PCDH11X: variants seen among roughly 807,000 people sequenced by gnomAD.
The protein encoded by PCDH11X is protocadherin-11 X-linked.
PCDH11X carries 18 observed loss-of-function variants against 53.3 expected under a neutral mutation model. That is an observed-to-expected ratio of 0.34 (90% CI 0.23 to 0.50). PCDH11X has a LOEUF of 0.50. PCDH11X is among the 20% of genes least tolerant of loss of function. The pLI is 0.98. For synonymous variants in PCDH11X, 279 were observed against 393.3 expected (o/e 0.71, Z 3.44); for missense variants, 570 against 1,032.4 (o/e 0.55, Z 6.14).
intron 10 of PCDH11X, among the ~76,000 whole-genome samples, chrX:92,542,772 A>G (rs2074779316): frequency 9.0e-6 from 1 of 111,473 alleles, no homozygotes; most frequent in Admixed American, 9.5e-5. Context: ...GTACTCTGAA[A>G]AATCTAAAGC....
intron 10 of PCDH11X, among the ~76,000 whole-genome samples, chrX:92,577,038 G>T (rs4893181): frequency 0.29 from 30,758 of 105,119 alleles, 4,327 homozygotes; most frequent in African/African-American, 0.39. Flanking sequence ...TTTTGTTTTC[G>T]TTGGATGATG....
intron 10 of PCDH11X, among the ~76,000 whole-genome samples, chrX:92,580,760 C>T (rs1329526035): frequency 8.9e-6 from 1 of 111,779 alleles, no homozygotes; most frequent in East Asian, 2.8e-4. Context: ...AGCCTGGGCT[C>T]ATGAAGGGAT....
chrX:92,411,922 AGT>A (rs2071663836), intron 9 of PCDH11X, among the ~76,000 whole-genome samples: 2 of 44,767 alleles, frequency 4.5e-5, no homozygotes, highest in Non-Finnish European at 7.0e-5. Context: ...GAGGAGGAGG[AGT>A]GGGAGGAGGA....
intron 6 of PCDH11X, among the ~76,000 whole-genome samples, chrX:91,990,296 A>G (rs1365224115): frequency 4.7e-5 from 5 of 105,440 alleles, no homozygotes; most frequent in Non-Finnish European, 9.7e-5. Context: ...ACTCTTATTT[A>G]TATCTTTTGT....
Position 92,085,703 on chromosome X carries a change from AT to A in PCDH11X, c.3034-115663del, listed in dbSNP as rs1391431404. On this transcript the variant is annotated intron_variant, in intron 6 of 10. Coordinates refer to ENST00000682573, the MANE Select transcript of PCDH11X (RefSeq NM_032968.5). ...AAAAATGTTAAGTTATGGTCAGAAC[AT>A]TTTTTTTTCTTCCCAAATAACACCT... Among the ~76,000 whole-genome samples, 9 of 110,235 alleles carry A rather than the reference AT, an allele frequency of 8.2e-5. No individual in the cohort carries two copies. The East Asian group carries it at 8.6e-4, about 10-fold the overall frequency.
chrX:92,085,900 T>C (rs910242521), intron 6 of PCDH11X, among the ~76,000 whole-genome samples: 1 of 111,579 alleles, frequency 9.0e-6, no homozygotes, highest in Non-Finnish European at 1.9e-5. Flanking sequence ...ACATGACTAG[T>C]CTGAATTAAG....
intron 6 of PCDH11X, among the ~76,000 whole-genome samples, chrX:92,019,765 C>T (rs2062854315): frequency 8.9e-6 from 1 of 112,137 alleles, no homozygotes; most frequent in African/African-American, 3.2e-5. Context: ...AAAAAGATCT[C>T]AGTGGGGCAG....
intron 5 of PCDH11X, 119 bp downstream of exon 5, chrX:91,836,163 G>A (rs1205873808): frequency 2.3e-5 from 20 of 888,602 alleles, no homozygotes; most frequent in Non-Finnish European, 3.1e-5. Context: ...CAAAATTTAT[G>A]TAATTTAAAG....
At chrX:91,824,995 G>T (rs1367021574) in intron 4 of PCDH11X, among the ~76,000 whole-genome samples, 1 of 110,494 alleles carries the variant, frequency 9.1e-6, no homozygotes, top group Non-Finnish European at 1.9e-5. Flanking sequence ...TCGGGGGTCA[G>T]GGGTCAGGGA....
intron 6 of PCDH11X, among the ~76,000 whole-genome samples, chrX:92,173,984 C>CAAAA (rs145379428): frequency 3.4e-5 from 1 of 29,561 alleles, no homozygotes; most frequent in African/African-American, 1.4e-4. Flanking sequence ...GACCCAGTCT[C>CAAAA]AAAAAAAAAA....
At chrX:92,012,917 C>A (rs2062717414) in intron 6 of PCDH11X, among the ~76,000 whole-genome samples, 1 of 111,531 alleles carries the variant, frequency 9.0e-6, no homozygotes, top group African/African-American at 3.3e-5. Context: ...GTGCGTCAGC[C>A]AATATCATAC....
At chrX:91,869,528 A>G (rs376386783) in intron 5 of PCDH11X, among the ~76,000 whole-genome samples, 1 of 111,442 alleles carries the variant, frequency 9.0e-6, no homozygotes, top group African/African-American at 3.3e-5. Flanking sequence ...TTCTAGTACT[A>G]GTATTCAGTG....
chrX:92,229,978 C>A (rs2067037797), intron 7 of PCDH11X, among the ~76,000 whole-genome samples: 1 of 110,435 alleles, frequency 9.1e-6, no homozygotes, highest in Non-Finnish European at 1.9e-5. Context: ...TTATAAAATG[C>A]ATTAAAATAA....
intron 8 of PCDH11X, among the ~76,000 whole-genome samples, chrX:92,280,431 C>T (rs1003945964): frequency 9.2e-6 from 1 of 109,251 alleles, no homozygotes; most frequent in African/African-American, 3.3e-5. Flanking sequence ...ATCTGTAATC[C>T]CAGCTACTCA....
intron 10 of PCDH11X, among the ~76,000 whole-genome samples, chrX:92,541,921 C>A (rs971852330): frequency 9.1e-6 from 1 of 109,904 alleles, no homozygotes; most frequent in Admixed American, 9.7e-5. Context: ...TGCACTCCAG[C>A]CTGGGTGACA....
rs1556443993 is a variant in PCDH11X at position 92,484,108 on chromosome X, G to GTGTA, written c.3367+15787_3367+15788insGTAT. Among the ~76,000 whole-genome samples, 4 of 96,738 alleles carry GTGTA rather than the reference G, an allele frequency of 4.1e-5. No homozygotes were observed. In the South Asian group the frequency reaches 1.5e-3, roughly 35 times the overall value. 84.0% of individuals were successfully genotyped at this position (96,738 alleles called of 115,157 possible). A position where few individuals can be genotyped will look rare whatever the true frequency, so the allele number is the denominator to read the frequency against. Reference sequence around the variant, plus strand: ...TCTCTGTGTGTGTGTGTGTGTGTGTGTATATATATAGTATATATATGTATA... The same window carrying GTGTA: ...TCTCTGTGTGTGTGTGTGTGTGTGTGTGTATATATATATAGTATATATATGTATA... On this transcript the variant is annotated intron_variant, in intron 10 of 10. Coordinates refer to ENST00000682573, the MANE Select transcript of PCDH11X (RefSeq NM_032968.5).
At chrX:92,452,131 G>C in intron 9 of PCDH11X, among the ~76,000 whole-genome samples, 1 of 107,469 alleles carries the variant, frequency 9.3e-6, no homozygotes. Context: ...CAGACTAAAT[G>C]CCTTCTGAGA....
chrX:92,113,847 G>T, intron 6 of PCDH11X: 1 of 1,204,957 alleles, frequency 8.3e-7, no homozygotes, highest in Non-Finnish European at 1.1e-6. Flanking sequence ...CCTGGGTGTT[G>T]CTGTTGAGCT....
intron 1 of PCDH11X, among the ~76,000 whole-genome samples, chrX:91,781,900 A>G (rs1176816422): frequency 8.9e-6 from 1 of 112,612 alleles, no homozygotes; most frequent in Non-Finnish European, 1.9e-5. Flanking sequence ...GACAGTTCCC[A>G]AAAGCTGAGT....
Sources: gnomAD v4.1 joint callset for allele counts (sites outside exome capture counted in the v4.1 genomes callset) on GRCh38, gnomAD v4.1.1 for gene constraint, MANE v1.5 for transcripts, NCBI Gene and HGNC (gene_info 2026-07-23, HGNC 2026-07-21) for gene names.